UTRN: variants seen among roughly 807,000 people sequenced by gnomAD.
UTRN encodes the protein utrophin.
A neutral mutation model predicts 463.9 loss-of-function variants in UTRN; 283 were observed. The ratio of observed to expected loss-of-function variants is 0.61; its 90% CI spans 0.55 to 0.67. The LOEUF (loss-of-function observed/expected upper bound fraction) is 0.67. UTRN is among the 30% of genes least tolerant of loss of function. UTRN has a pLI of 0.00. For missense variants in UTRN, 3,922 were observed against 4,084.3 expected (o/e 0.96, Z 1.08); for synonymous variants, 1,442 against 1,431.5 (o/e 1.01, Z -0.17).
chr6:144,675,267 T>A (rs1781475292), intron 51 of UTRN, among the ~76,000 whole-genome samples: 1 of 152,156 alleles, frequency 6.6e-6, no homozygotes, highest in Non-Finnish European at 1.5e-5. Flanking sequence ...GGCTCCAATC[T>A]GATCCTAGGG....
rs141700678 is a variant in UTRN, at chr6:144,840,833, G to C, written c.10270+1G>C. The C allele has an allele frequency of 3.1e-6, 5 of 1,613,778 alleles. No individual in the cohort carries two copies. Among genetic ancestry groups the C allele is most frequent in the Non-Finnish European group, 4.2e-6 (5 of 1,179,966 alleles). ...CACAGCACGTTTCCATCTTGCTGCC[G>C]TGAGTATGAAAGATTGCAGCACCAC... On this transcript the variant is annotated splice_donor_variant, in intron 73 of 74. Coordinates refer to ENST00000367545, the MANE Select transcript of UTRN (RefSeq NM_007124.3). LOFTEE classifies it high-confidence loss of function.
At chr6:144,430,143 AT>A (rs552617926) in intron 9 of UTRN, among the ~76,000 whole-genome samples, 1 of 151,662 alleles carries the variant, frequency 6.6e-6, no homozygotes, top group African/African-American at 2.4e-5. Flanking sequence ...TTGAGAAAAG[AT>A]TTTTTTTCCA....
chr6:144,417,445 T>C (rs1385473127), intron 3 of UTRN, among the ~76,000 whole-genome samples: 4 of 152,194 alleles, frequency 2.6e-5, no homozygotes, highest in African/African-American at 9.7e-5. Context: ...GATGCTGTTT[T>C]TCTCGAAATA....
chr6:144,489,013 A>C (rs978203877), intron 30 of UTRN, among the ~76,000 whole-genome samples, 179 bp downstream of exon 30: 2 of 145,586 alleles, frequency 1.4e-5, no homozygotes, highest in Admixed American at 6.8e-5. Context: ...AGACTCTGGC[A>C]AAAGTCTTAT....
chr6:144,553,277 A>T (rs1799084327), intron 48 of UTRN, among the ~76,000 whole-genome samples: 1 of 152,118 alleles, frequency 6.6e-6, no homozygotes, highest in South Asian at 2.1e-4. Flanking sequence ...GCTTCAGGTG[A>T]TCCACCTGCC....
At chr6:144,823,757 T>C (rs1006703989) in intron 66 of UTRN, among the ~76,000 whole-genome samples, 6 of 152,046 alleles carry the variant, frequency 3.9e-5, no homozygotes, top group African/African-American at 9.7e-5. Flanking sequence ...AGGAACAAGC[T>C]AAAATAGTAG....
intron 51 of UTRN, among the ~76,000 whole-genome samples, chr6:144,581,061 A>G (rs1259723123): frequency 6.6e-6 from 1 of 152,210 alleles, no homozygotes; most frequent in Non-Finnish European, 1.5e-5. Context: ...AGTTAGCGGG[A>G]AATGTGTGGG....
At chr6:144,418,475 G>A (rs1034315249) in intron 3 of UTRN, among the ~76,000 whole-genome samples, 6 of 151,466 alleles carry the variant, frequency 4.0e-5, no homozygotes, top group Admixed American at 6.6e-5. Context: ...CGCCCGCCTC[G>A]GCCTCCTAAA....
chr6:144,736,843 G>A (rs1166893303), intron 54 of UTRN, among the ~76,000 whole-genome samples: 1 of 152,154 alleles, frequency 6.6e-6, no homozygotes, highest in Non-Finnish European at 1.5e-5. Context: ...ACATTCTGCA[G>A]GTAGTGGTCT....
intron 19 of UTRN, among the ~76,000 whole-genome samples, chr6:144,454,325 TAA>T (rs1788611503): frequency 6.6e-6 from 1 of 152,182 alleles, no homozygotes; most frequent in South Asian, 2.1e-4. Flanking sequence ...TTTTTATAGT[TAA>T]GTTTGATAAG....
At position 144,444,318 on chromosome 6, in the gene UTRN, C is replaced by T; in HGVS notation, c.1550C>T (p.Thr517Ile). 1 of 1,611,858 alleles carries T rather than the reference C, an allele frequency of 6.2e-7. No individual in the cohort carries two copies. The highest frequency in any genetic ancestry group is 8.5e-7 in the Non-Finnish European group (1 of 1,178,698). Reference protein sequence around the residue: ...GERWTAVCRWTEERWNRLQEI... With the variant: ...GERWTAVCRWIEERWNRLQEI... ...CGCTGGACAGCAGTATGCCGTTGGA[C>T]TGAAGAACGCTGGAATAGGTTACAA... is the stretch of plus-strand genomic sequence containing the variant. Residue 517 changes from threonine (T) to isoleucine (I), a missense_variant, in exon 14 of 75, where the codon ACT (threonine) becomes ATT (isoleucine). Physicochemically the swap from Thr to Ile is moderately conservative, Grantham distance 89. Around this residue, in one of 3 missense-constraint regions of UTRN, gnomAD observed 2,349 missense variants for 2,303.8 expected, o/e 1.02. Coordinates refer to ENST00000367545, the MANE Select transcript of UTRN (RefSeq NM_007124.3).
chr6:144,484,241 A>G (rs149568156), intron 27 of UTRN, among the ~76,000 whole-genome samples: 5 of 152,212 alleles, frequency 3.3e-5, no homozygotes, highest in African/African-American at 9.6e-5. Context: ...GTTTTGGTAA[A>G]ATGTGGCTCT....
chr6:144,774,408 C>CA (rs764853116), intron 60 of UTRN, 44 bp downstream of exon 60: 233 of 1,367,918 alleles, frequency 1.7e-4, no homozygotes, highest in Non-Finnish European at 2.1e-4. Flanking sequence ...ACTTGAATTG[C>CA]GTTTTTTTTT....
chr6:144,522,127 A>T lies in UTRN; in HGVS notation c.5689A>T (p.Thr1897Ser). The change falls in exon 40 of 75, where the codon ACT becomes TCT. Residue 1897 changes from threonine to serine, a missense_variant. Transcript: ENST00000367545. ...ATCGCTTAATGTTCCAGAGCTCAAC[A>T]CTGCTATTTACGAAGACTTCTCTTT... ...ELSLNVPELN[T>S]AIYEDFSFQE... is the part of the protein sequence containing the mutation. The T allele has an allele frequency of 1.3e-6, 2 of 1,564,736 alleles. No homozygotes were observed. The highest frequency in any genetic ancestry group is 2.4e-5 in the South Asian group (2 of 82,648).
rs749191844 is a variant in UTRN, at chr6:144,851,020, G to A, written c.*23G>A. The A allele has an allele frequency of 3.1e-6, 5 of 1,613,586 alleles. No homozygotes were observed. In the South Asian group the frequency reaches 4.4e-5, roughly 14 times the overall value. On this transcript the variant is annotated 3_prime_UTR_variant, in exon 75 of 75. Transcript: ENST00000367545. ...TGAAGTATTCATCCGGCCAACCAAT[G>A]TTTCCTGACGTACAGTGTTGCCCTT... is the stretch of plus-strand genomic sequence containing the variant.
intron 2 of UTRN, among the ~76,000 whole-genome samples, chr6:144,328,637 A>ATATTTG (rs1584298176): frequency 6.6e-6 from 1 of 152,168 alleles, no homozygotes; most frequent in Non-Finnish European, 1.5e-5. Context: ...GTAAAAATAC[A>ATATTTG]TTCATTCAGA....
intron 51 of UTRN, among the ~76,000 whole-genome samples, chr6:144,617,352 A>G (rs970997371): frequency 1.3e-5 from 2 of 152,222 alleles, no homozygotes; most frequent in East Asian, 1.9e-4. Flanking sequence ...TCAATTAACT[A>G]TTCTGAAACC....
At chr6:144,293,809 A>G (rs1204372510) in intron 2 of UTRN, among the ~76,000 whole-genome samples, 1 of 152,110 alleles carries the variant, frequency 6.6e-6, no homozygotes, top group East Asian at 1.9e-4. Flanking sequence ...CAGATCATAC[A>G]TGATCTCAGT....
chr6:144,516,503 A>T, intron 38 of UTRN, 116 bp downstream of exon 38: 2 of 1,231,706 alleles, frequency 1.6e-6, no homozygotes, highest in East Asian at 2.5e-5. Context: ...AACAGATTCA[A>T]ATGTGATTTT....
Sources: allele counts gnomAD v4.1 joint callset (sites outside exome capture counted in the v4.1 genomes callset), GRCh38; gene constraint gnomAD v4.1.1; regional missense constraint gnomAD v4.1.1; transcripts MANE v1.5; gene names NCBI Gene and HGNC (gene_info 2026-07-23, HGNC 2026-07-21).